The following EXOC6B variants were observed in gnomAD, a reference collection of about 807,000 sequenced individuals.
The protein encoded by EXOC6B is SEC15 homolog B.
Under a neutral mutation model 113.5 loss-of-function variants are expected in EXOC6B, and 54 were observed. The ratio of observed to expected loss-of-function variants is 0.48; its 90% confidence interval spans 0.38 to 0.60. The LOEUF (loss-of-function observed/expected upper bound fraction) is 0.60, where lower values mean the gene tolerates loss of function less well. EXOC6B is among the 20% of genes least tolerant of loss of function. The pLI is 0.00. For synonymous variants in EXOC6B, 357 were observed against 339.0 expected (o/e 1.05, Z -0.58); for missense variants, 797 against 977.5 (o/e 0.82, Z 2.46).
intron 18 of EXOC6B, among the ~76,000 whole-genome samples, chr2:72,435,303 G>C (rs1695786548): frequency 6.6e-6 from 1 of 152,144 alleles, no homozygotes; most frequent in East Asian, 1.9e-4. Flanking sequence ...TTTTGAATTT[G>C]CTGAGCAGTG....
chr2:72,237,894 T>C (rs1335347788), intron 20 of EXOC6B, among the ~76,000 whole-genome samples: 1 of 152,038 alleles, frequency 6.6e-6, no homozygotes, highest in Admixed American at 6.6e-5. Context: ...GCATTTGCTT[T>C]TTTTTTTTAA....
intron 13 of EXOC6B, among the ~76,000 whole-genome samples, chr2:72,498,030 A>G (rs1215867155): frequency 6.6e-6 from 1 of 152,224 alleles, no homozygotes; most frequent in Admixed American, 6.5e-5. Flanking sequence ...TGAGTCATCC[A>G]AACAGATTTT....
intron 18 of EXOC6B, among the ~76,000 whole-genome samples, chr2:72,386,764 G>C (rs1692052723): frequency 6.6e-6 from 1 of 152,208 alleles, no homozygotes; most frequent in Non-Finnish European, 1.5e-5. Context: ...GAAACTATGT[G>C]AGATGATGGA....
chr2:72,804,290 G>C (rs1490289701), intron 1 of EXOC6B, among the ~76,000 whole-genome samples: 3 of 152,276 alleles, frequency 2.0e-5, no homozygotes, highest in African/African-American at 7.2e-5. Flanking sequence ...TAATTGGTCT[G>C]ACTGCCTATT....
At chr2:72,707,050 A>G (rs1678930201) in intron 6 of EXOC6B, among the ~76,000 whole-genome samples, 1 of 152,182 alleles carries the variant, frequency 6.6e-6, no homozygotes, top group Non-Finnish European at 1.5e-5. Flanking sequence ...TCTCAAGCCT[A>G]AGCCCGTCTC....
At chr2:72,325,518 G>A (rs1197463059) in intron 20 of EXOC6B, among the ~76,000 whole-genome samples, 1 of 151,814 alleles carries the variant, frequency 6.6e-6, no homozygotes, top group African/African-American at 2.4e-5. Context: ...CTACCCAAAA[G>A]GTTGTCAGAA....
At chr2:72,780,209 C>T (rs1159635288) in intron 1 of EXOC6B, among the ~76,000 whole-genome samples, 1 of 152,088 alleles carries the variant, frequency 6.6e-6, no homozygotes, top group African/African-American at 2.4e-5. Context: ...GTATTATTAA[C>T]ATATAAACTC....
intron 1 of EXOC6B, among the ~76,000 whole-genome samples, chr2:72,770,045 T>C (rs998561507): frequency 6.6e-6 from 1 of 152,146 alleles, no homozygotes; most frequent in Non-Finnish European, 1.5e-5. Context: ...AATTTGAATA[T>C]ACAATAACTC....
At chr2:72,588,609 A>G (rs553653796) in intron 6 of EXOC6B, among the ~76,000 whole-genome samples, 24 of 152,162 alleles carry the variant, frequency 1.6e-4, no homozygotes, top group African/African-American at 5.3e-4. Flanking sequence ...GCTGTACAAC[A>G]TTGTGAATAT....
chr2:72,406,668 A>C (rs1319088901), intron 18 of EXOC6B, among the ~76,000 whole-genome samples: 3 of 152,242 alleles, frequency 2.0e-5, no homozygotes, highest in Admixed American at 2.0e-4. Flanking sequence ...AAACAAAGAC[A>C]CAACATACCA....
At chr2:72,687,279 A>G (rs1212277917) in intron 6 of EXOC6B, among the ~76,000 whole-genome samples, 1 of 152,218 alleles carries the variant, frequency 6.6e-6, no homozygotes, top group Non-Finnish European at 1.5e-5. Flanking sequence ...GAAATATATA[A>G]ATTGTTAATG....
chr2:72,342,825 C>T (rs1689109366), intron 19 of EXOC6B, among the ~76,000 whole-genome samples: 1 of 152,052 alleles, frequency 6.6e-6, no homozygotes, highest in Non-Finnish European at 1.5e-5. Context: ...AAAAGAAAAA[C>T]AGTTAAAACT....
chr2:72,679,479 T>C (rs1676537661), intron 6 of EXOC6B, among the ~76,000 whole-genome samples: 1 of 152,102 alleles, frequency 6.6e-6, no homozygotes, highest in African/African-American at 2.4e-5. Context: ...ACCAAAGAAA[T>C]GTGGGTTTCT....
intron 1 of EXOC6B, among the ~76,000 whole-genome samples, chr2:72,821,830 A>G (rs1053383609): frequency 2.6e-5 from 4 of 152,256 alleles, no homozygotes; most frequent in African/African-American, 9.6e-5. Context: ...AATGGGTACA[A>G]GGTTTCTTTT....
intron 20 of EXOC6B, among the ~76,000 whole-genome samples, chr2:72,201,064 T>C (rs1444030059): frequency 6.6e-6 from 1 of 152,146 alleles, no homozygotes; most frequent in Non-Finnish European, 1.5e-5. Context: ...AAATAATATA[T>C]GGTAATGTTC....
At chr2:72,484,329 C>T (rs1699291798) in intron 16 of EXOC6B, among the ~76,000 whole-genome samples, 2 of 150,596 alleles carry the variant, frequency 1.3e-5, no homozygotes, top group African/African-American at 2.4e-5. Context: ...GAGGCCGAGA[C>T]GGGCGGATCA....
chr2:72,285,335 T>C (rs1159051233), intron 20 of EXOC6B, among the ~76,000 whole-genome samples: 1 of 151,286 alleles, frequency 6.6e-6, no homozygotes, highest in Non-Finnish European at 1.5e-5. Context: ...GTCAGAAAAA[T>C]ATATATAAAA....
chr2:72,497,737 A>C (rs2105576307), intron 13 of EXOC6B, among the ~76,000 whole-genome samples: 1 of 152,306 alleles, frequency 6.6e-6, no homozygotes. Context: ...GTTTGAAAAG[A>C]GGACAAACTG....
chr2:72,541,839 T>G (rs1702623587), intron 8 of EXOC6B, among the ~76,000 whole-genome samples: 1 of 152,196 alleles, frequency 6.6e-6, no homozygotes, highest in African/African-American at 2.4e-5. Context: ...GTAGAGACAC[T>G]GTGAGATAAA....
Sources: gnomAD v4.1 joint callset for allele counts (sites outside exome capture counted in the v4.1 genomes callset) on GRCh38, gnomAD v4.1.1 for gene constraint, MANE v1.5 for transcripts, NCBI Gene and HGNC (gene_info 2026-07-23, HGNC 2026-07-21) for gene names.